Variants in FCHO2 observed in about 807,000 individuals in gnomAD.
FCHO2 encodes F-BAR domain only protein 2.
In FCHO2, 43 loss-of-function variants were observed where a neutral mutation model predicts 114.1. The ratio of observed to expected loss-of-function variants is 0.38; its 90% confidence interval spans 0.30 to 0.49. FCHO2 has a LOEUF of 0.49. Among genes scored for constraint, FCHO2 ranks in the 20% least tolerant of loss-of-function variants. The pLI, the probability that FCHO2 is intolerant of heterozygous loss-of-function variation, is 0.97. For synonymous variants in FCHO2, 293 were observed against 315.2 expected (o/e 0.93, Z 0.75); for missense variants, 807 against 950.4 (o/e 0.85, Z 1.98).
At chr5:73,011,739 C>T (rs937447201) in intron 6 of FCHO2, among the ~76,000 whole-genome samples, 5 of 152,090 alleles carry the variant, frequency 3.3e-5, no homozygotes, top group Non-Finnish European at 5.9e-5. Flanking sequence ...GATGAAACCT[C>T]ATCTTTAATA....
chr5:72,989,245 T>G (rs1753699125), intron 2 of FCHO2, among the ~76,000 whole-genome samples, 182 bp from the exon 3 acceptor site: 1 of 152,198 alleles, frequency 6.6e-6, no homozygotes, highest in South Asian at 2.1e-4. Context: ...ATTATTTTAG[T>G]TCTATACCAG....
chr5:73,077,244 G>T, intron 20 of FCHO2, 94 bp from the exon 21 acceptor site: 1 of 1,041,908 alleles, frequency 9.6e-7, no homozygotes, highest in Non-Finnish European at 1.4e-6. Context: ...GCGTGTGTGT[G>T]TGCGCACGTG....
At chr5:73,074,928 A>T in intron 20 of FCHO2, 75 bp downstream of exon 20, 1 of 1,114,174 alleles carries the variant, frequency 9.0e-7, no homozygotes, top group Non-Finnish European at 1.3e-6. Flanking sequence ...CTTGGTGGTA[A>T]ATTTTAAGAA....
intron 2 of FCHO2, among the ~76,000 whole-genome samples, chr5:72,970,695 T>TA (rs1347330098): frequency 6.6e-6 from 1 of 151,838 alleles, no homozygotes; most frequent in Non-Finnish European, 1.5e-5. Context: ...TCTTTTTTTT[T>TA]ATTTTTTATT....
At chr5:73,038,346 C>A (rs1756634638) in intron 10 of FCHO2, among the ~76,000 whole-genome samples, 1 of 152,142 alleles carries the variant, frequency 6.6e-6, no homozygotes, top group South Asian at 2.1e-4. Context: ...GGTTAAGAAT[C>A]TTTGAGCCGT....
intron 11 of FCHO2, among the ~76,000 whole-genome samples, chr5:73,042,111 A>G (rs1368753228): frequency 1.3e-5 from 2 of 152,164 alleles, no homozygotes; most frequent in South Asian, 2.1e-4. Context: ...TTACTTAACT[A>G]AGATAAAATT....
intron 19 of FCHO2, 106 bp from the exon 20 acceptor site, chr5:73,074,636 C>T (rs1742824043): frequency 2.1e-6 from 2 of 956,654 alleles, no homozygotes; most frequent in African/African-American, 1.7e-5. Context: ...TCACTGAAAC[C>T]AGTGGTAGGG....
intron 11 of FCHO2, among the ~76,000 whole-genome samples, chr5:73,042,817 A>G (rs966329891): frequency 2.0e-5 from 3 of 152,224 alleles, no homozygotes; most frequent in African/African-American, 4.8e-5. Context: ...AAAAGAAATA[A>G]AAGTGATAAC....
intron 2 of FCHO2, among the ~76,000 whole-genome samples, chr5:72,981,987 T>C (rs1753236949): frequency 6.6e-6 from 1 of 152,230 alleles, no homozygotes; most frequent in African/African-American, 2.4e-5. Flanking sequence ...TTTTGTTCTC[T>C]TGCTGGTGAG....
chr5:73,016,336 A>C (rs929267009), intron 7 of FCHO2, among the ~76,000 whole-genome samples: 3 of 148,296 alleles, frequency 2.0e-5, no homozygotes, highest in African/African-American at 7.4e-5. Context: ...AAATATTTTA[A>C]ATTGTTTAAA....
At chr5:72,997,266 A>T (rs1754169953) in intron 5 of FCHO2, 1 of 1,275,406 alleles carries the variant, frequency 7.8e-7, no homozygotes, top group East Asian at 2.3e-5. Flanking sequence ...TTCTTTTTGG[A>T]AGTCGTGAGC....
intron 2 of FCHO2, among the ~76,000 whole-genome samples, chr5:72,981,138 G>A (rs1753187625): frequency 2.0e-5 from 3 of 152,182 alleles, no homozygotes; most frequent in African/African-American, 7.2e-5. Flanking sequence ...AGACTGGCCT[G>A]GTGGTGATGA....
intron 2 of FCHO2, among the ~76,000 whole-genome samples, chr5:72,973,560 A>AT (rs1313969199): frequency 5.9e-5 from 9 of 151,664 alleles, no homozygotes; most frequent in African/African-American, 1.7e-4. Flanking sequence ...CCCCTTTATC[A>AT]TTTTTTATTG....
chr5:73,074,653 G>T (rs1742825722), intron 19 of FCHO2, 89 bp from the exon 20 acceptor site: 254 of 1,162,978 alleles, frequency 2.2e-4, no homozygotes, highest in Middle Eastern at 4.0e-4. Flanking sequence ...AGGGTCGTTT[G>T]TGACAGCCTA....
At chr5:73,007,389 T>A (rs188044798) in intron 6 of FCHO2, among the ~76,000 whole-genome samples, 1 of 152,218 alleles carries the variant, frequency 6.6e-6, no homozygotes. Flanking sequence ...CTTTTACCTA[T>A]ATTTTTTGTC....
chr5:72,999,656 A>T (rs1026741142), intron 5 of FCHO2, among the ~76,000 whole-genome samples: 3 of 152,128 alleles, frequency 2.0e-5, no homozygotes, highest in Non-Finnish European at 4.4e-5. Flanking sequence ...GTCTGAGATC[A>T]CAGGTGTGAG....
chr5:73,079,545 CTT>C (rs1743025966), intron 22 of FCHO2, among the ~76,000 whole-genome samples: 1 of 152,102 alleles, frequency 6.6e-6, no homozygotes, highest in Admixed American at 6.6e-5. Flanking sequence ...CCCTGTTAGA[CTT>C]TTAGCCAAAG....
chr5:73,019,745 T>C (rs1023551714), intron 8 of FCHO2, among the ~76,000 whole-genome samples: 2 of 152,102 alleles, frequency 1.3e-5, no homozygotes, highest in Non-Finnish European at 2.9e-5. Flanking sequence ...GCTGCCTTGA[T>C]AAAAAGCCAT....
At chr5:72,963,902 G>GTTTTTTTTTTTTTT (rs70973214) in intron 1 of FCHO2, among the ~76,000 whole-genome samples, 1 of 95,694 alleles carries the variant, frequency 1.0e-5, no homozygotes, top group Non-Finnish European at 1.9e-5. Flanking sequence ...GGAACTTTCA[G>GTTTTTTTTTTTTTT]TTTTTTTTTT....
Sources: gnomAD v4.1 joint callset for allele counts (sites outside exome capture counted in the v4.1 genomes callset) on GRCh38, gnomAD v4.1.1 for gene constraint, MANE v1.5 for transcripts, NCBI Gene and HGNC (gene_info 2026-07-23, HGNC 2026-07-21) for gene names.